DCP2: variants seen among roughly 807,000 people sequenced by gnomAD.
DCP2 encodes decapping mRNA 2, also known as m7GpppN-mRNA hydrolase.
Under a neutral mutation model 56.1 loss-of-function variants are expected in DCP2, and 30 were observed. The ratio of observed to expected loss-of-function variants is 0.53; its 90% CI spans 0.40 to 0.73. The LOEUF is 0.73. Among genes scored for constraint, DCP2 ranks in the 30% least tolerant of loss-of-function variants. The pLI is 0.00. For synonymous variants in DCP2, 197 were observed against 163.3 expected (o/e 1.21, Z -1.57); for missense variants, 533 against 502.7 (o/e 1.06, Z -0.58).
intron 9 of DCP2, among the ~76,000 whole-genome samples, chr5:113,008,832 A>G (rs1322404557): frequency 1.3e-5 from 2 of 150,980 alleles, no homozygotes; most frequent in African/African-American, 4.9e-5. Flanking sequence ...TGTTTTTAAC[A>G]AAAACTAGAC....
intron 7 of DCP2, among the ~76,000 whole-genome samples, chr5:113,003,145 G>C (rs914166449): frequency 3.1e-5 from 3 of 96,786 alleles, no homozygotes; most frequent in African/African-American, 4.4e-5. Context: ...ATCTGTTATT[G>C]TAATATTAGT....
intron 7 of DCP2, 126 bp downstream of exon 7, chr5:113,001,800 C>T: frequency 2.4e-6 from 2 of 841,642 alleles, no homozygotes; most frequent in Non-Finnish European, 3.7e-6. Context: ...TGTTACTGGT[C>T]TCACAGATAA....
At chr5:113,005,785 TGTG>T (rs766311219) in intron 8 of DCP2, among the ~76,000 whole-genome samples, 3 of 152,176 alleles carry the variant, frequency 2.0e-5, no homozygotes, top group African/African-American at 4.8e-5. Flanking sequence ...GGATAAACAA[TGTG>T]GTGTATACAC....
In DCP2 at chr5:113,000,836, C is replaced by A. The variant is rs137882013; in HGVS notation, c.433-248C>A. On this transcript the variant is annotated intron_variant, in intron 4 of 10. Coordinates refer to ENST00000389063, the MANE Select transcript of DCP2 (RefSeq NM_152624.6). ...ATATAGTTTGTGTGTGTTTGAATGT[C>A]AGCAATCAGGTCTACAGTGGACTGG... is the stretch of plus-strand genomic sequence containing the variant. 2.1e-3 allele frequency among the ~76,000 whole-genome samples: 317 copies of A among 152,278 alleles called. 2 individuals are homozygous for A. The highest frequency in any genetic ancestry group is 3.0e-3 in the Non-Finnish European group (205 of 68,010).
intron 10 of DCP2, among the ~76,000 whole-genome samples, chr5:113,011,209 C>T (rs2150192367): frequency 6.6e-6 from 1 of 152,258 alleles, no homozygotes; most frequent in East Asian, 1.9e-4. Context: ...CACTGTGGTT[C>T]TTCCCATACA....
chr5:112,998,943 C>T (rs1174548773), intron 4 of DCP2, among the ~76,000 whole-genome samples: 1 of 152,214 alleles, frequency 6.6e-6, no homozygotes, highest in East Asian at 1.9e-4. Context: ...TATTCACATT[C>T]ACTAATTGCC....
chr5:113,010,860 T>A, intron 10 of DCP2, 53 bp downstream of exon 10: 1 of 1,551,024 alleles, frequency 6.4e-7, no homozygotes, highest in South Asian at 1.2e-5. Context: ...TTTGGTTTGG[T>A]TTACCTAACT....
At chr5:112,986,086 G>A (rs1748270115) in intron 2 of DCP2, 100 bp downstream of exon 2, 1 of 1,214,512 alleles carries the variant, frequency 8.2e-7, no homozygotes, top group African/African-American at 1.5e-5. Context: ...AACTATTAGA[G>A]AAAAACATAC....
intron 7 of DCP2, 36 bp downstream of exon 7, chr5:113,001,710 A>G: frequency 6.3e-7 from 1 of 1,576,788 alleles, no homozygotes; most frequent in East Asian, 2.2e-5. Context: ...TGATTTTCTA[A>G]TAGTTTTTAA....
chr5:112,992,863 T>G, intron 4 of DCP2, 93 bp downstream of exon 4: 1 of 874,658 alleles, frequency 1.1e-6, no homozygotes, highest in Non-Finnish European at 1.6e-6. Context: ...TTGGACTGTC[T>G]TAACCCTTTC....
chr5:113,010,758 G>C lies in DCP2; in HGVS notation c.1050G>C (p.Lys350Asn). 6.3e-7 allele frequency: 1 copy of C among 1,577,028 alleles called. No homozygotes were observed. Among genetic ancestry groups the C allele is most frequent in the Non-Finnish European group, 8.6e-7 (1 of 1,167,498 alleles). ...GTGTTTTTTTTTTTTTTAAATAGAAGTGTGAAAAGAAACTTCATCCACGGA... is the reference window on the plus strand; with the variant it reads ...GTGTTTTTTTTTTTTTTAAATAGAACTGTGAAAAGAAACTTCATCCACGGA... Reference protein sequence around the residue: ...QPAKQQNSLMKCEKKLHPRKL... With the variant: ...QPAKQQNSLMNCEKKLHPRKL... Residue 350 changes from lysine (K) to asparagine (N), a missense_variant and splice_region_variant, in exon 10 of 11, where the codon AAG (lysine) becomes AAC (asparagine). Around this residue, in one of 3 missense-constraint regions of DCP2, gnomAD observed 392 missense variants for 346.6 expected, o/e 1.13. Coordinates refer to ENST00000389063, the MANE Select transcript of DCP2 (RefSeq NM_152624.6).
rs1580820718 is a variant in DCP2, at chr5:113,000,990, C to G, written c.433-94C>G. ...AGAAATAGTAAATACAAGTCATGTC[C>G]CCTTTTTCTGAGTTTTTGTCTTGGG... is the stretch of plus-strand genomic sequence containing the variant. On this transcript the variant is annotated intron_variant, in intron 4 of 10. Coordinates refer to ENST00000389063, the MANE Select transcript of DCP2 (RefSeq NM_152624.6). 1.4e-5 allele frequency: 17 copies of G among 1,178,094 alleles called. No individual in the cohort carries two copies. In the East Asian group the frequency reaches 4.2e-4, roughly 29 times the overall value. The allele number at this position is 1,178,094 out of a possible 1,614,324, so 73.0% of individuals were successfully genotyped here.
chr5:112,985,851 A>G lies in DCP2; in HGVS notation c.70A>G (p.Ile24Val), dbSNP rs771786420. The change falls in exon 2 of 11, where the codon ATT becomes GTT. Residue 24 changes from isoleucine to valine, a missense_variant. Around this residue, in one of 3 missense-constraint regions of DCP2, gnomAD observed 137 missense variants for 138.2 expected, o/e 0.99. Coordinates refer to ENST00000389063, the MANE Select transcript of DCP2 (RefSeq NM_152624.6). ...TTTTGACAGCCGATTTATTTTGCATATTCCCAGCGAGGAAAGAGACAATGC... is the reference window on the plus strand; with the variant it reads ...TTTTGACAGCCGATTTATTTTGCATGTTCCCAGCGAGGAAAGAGACAATGC... Reference protein sequence around the residue: ...DDLCSRFILHIPSEERDNAIR... With the variant: ...DDLCSRFILHVPSEERDNAIR... The G allele has an allele frequency of 6.2e-7, 1 of 1,605,906 alleles. No individual in the cohort carries two copies.
chr5:113,012,024 A>AT (rs2150192952), intron 10 of DCP2, among the ~76,000 whole-genome samples: 1 of 152,112 alleles, frequency 6.6e-6, no homozygotes, highest in African/African-American at 2.4e-5. Flanking sequence ...TCTTAATAGG[A>AT]TTTTTTTCTG....
intron 9 of DCP2, among the ~76,000 whole-genome samples, chr5:113,009,541 G>T (rs1749587204): frequency 6.6e-6 from 1 of 152,204 alleles, no homozygotes; most frequent in Non-Finnish European, 1.5e-5. Context: ...ACCTTCTAGA[G>T]AGGACTTTGC....
chr5:112,977,657 C>T (rs1025575209), intron 1 of DCP2, among the ~76,000 whole-genome samples: 1 of 152,168 alleles, frequency 6.6e-6, no homozygotes, highest in African/African-American at 2.4e-5. Flanking sequence ...GGTTTTAACT[C>T]AGGGTGTATA....
At chr5:112,982,732 T>C (rs997536512) in intron 1 of DCP2, among the ~76,000 whole-genome samples, 16 of 152,218 alleles carry the variant, frequency 1.1e-4, no homozygotes, top group African/African-American at 3.6e-4. Context: ...GGAATACTCT[T>C]TTAAATTTCT....
intron 1 of DCP2, among the ~76,000 whole-genome samples, chr5:112,977,368 C>G (rs1332954925): frequency 6.6e-6 from 1 of 152,196 alleles, no homozygotes; most frequent in Non-Finnish European, 1.5e-5. Context: ...GCACCCCCTC[C>G]TCCCTGTGTC....
chr5:112,986,180 A>G (rs1389149884), intron 2 of DCP2, among the ~76,000 whole-genome samples, 194 bp downstream of exon 2: 1 of 152,114 alleles, frequency 6.6e-6, no homozygotes, highest in African/African-American at 2.4e-5. Flanking sequence ...TAATACTCAT[A>G]ATAATCATAC....
Sources: gnomAD v4.1 joint callset for allele counts (sites outside exome capture counted in the v4.1 genomes callset) on GRCh38, gnomAD v4.1.1 for gene constraint, gnomAD v4.1.1 regional missense constraint, MANE v1.5 for transcripts, NCBI Gene and HGNC (gene_info 2026-07-23, HGNC 2026-07-21) for gene names.